TGFBRAP1: variants seen among roughly 807,000 people sequenced by gnomAD.
TGFBRAP1 encodes the protein transforming growth factor-beta receptor-associated protein 1.
Under a neutral mutation model 83.2 loss-of-function variants are expected in TGFBRAP1, and 20 were observed. That is an observed-to-expected ratio of 0.24 (90% CI 0.17 to 0.35). The LOEUF (loss-of-function observed/expected upper bound fraction) is 0.35. Ranked by LOEUF, TGFBRAP1 falls within the 10% of genes least tolerant of loss-of-function variation. The pLI is 1.00. For missense variants in TGFBRAP1, 950 were observed against 1,099.4 expected (o/e 0.86, Z 1.92); for synonymous variants, 415 against 459.8 (o/e 0.90, Z 1.25).
At chr2:105,278,848 C>T (rs1220361733) in intron 6 of TGFBRAP1, among the ~76,000 whole-genome samples, 2 of 152,002 alleles carry the variant, frequency 1.3e-5, no homozygotes, top group Non-Finnish European at 2.9e-5. Flanking sequence ...TTGTCACTAC[C>T]ATAAGGTGGC....
chr2:105,313,046 A>C (rs773346203), intron 1 of TGFBRAP1, among the ~76,000 whole-genome samples: 2 of 152,160 alleles, frequency 1.3e-5, no homozygotes, highest in Admixed American at 1.3e-4. Context: ...CGGGAAGCGG[A>C]GGTTGCAGTG....
chr2:105,316,462 T>TGTGTGCGC lies in TGFBRAP1; in HGVS notation c.-17-8145_-17-8144insGCGCACAC, dbSNP rs1177329674. On this transcript the variant is annotated intron_variant, in intron 1 of 11. Transcript: ENST00000393359. Reference sequence around the variant, plus strand: ...GTGTGTGTGTGTGTGTGTGTGTGTGTGCGCGCGCGCGCGCGCGCACGCGCA... The same window carrying TGTGTGCGC: ...GTGTGTGTGTGTGTGTGTGTGTGTGTGTGTGCGCGCGCGCGCGCGCGCGCGCACGCGCA... Among the ~76,000 whole-genome samples the TGTGTGCGC allele has an allele frequency of 1.6e-3, 135 of 84,792 alleles. 1 individual carries two copies. Among genetic ancestry groups the TGTGTGCGC allele is most frequent in the African/African-American group, 4.3e-3 (79 of 18,482 alleles). The allele number at this position is 84,792 out of a possible 152,430, so 55.6% of individuals were successfully genotyped here.
intron 1 of TGFBRAP1, among the ~76,000 whole-genome samples, chr2:105,321,562 C>T (rs1418752793): frequency 6.6e-6 from 1 of 152,076 alleles, no homozygotes; most frequent in Non-Finnish European, 1.5e-5. Context: ...TCTCAATTAA[C>T]CTGGATAAAC....
At chr2:105,273,434 A>G (rs1005865987) in intron 9 of TGFBRAP1, 110 bp downstream of exon 9, 5 of 1,451,664 alleles carry the variant, frequency 3.4e-6, no homozygotes, top group Non-Finnish European at 4.6e-6. Flanking sequence ...ACAAGTACGG[A>G]TGGATCACCC....
chr2:105,262,950 C>T (rs1321388780), downstream of TGFBRAP1, among the ~76,000 whole-genome samples: 2 of 152,196 alleles, frequency 1.3e-5, no homozygotes, highest in Admixed American at 6.5e-5. Context: ...TGTACAATTT[C>T]GTTTCAAACG....
intron 1 of TGFBRAP1, among the ~76,000 whole-genome samples, chr2:105,328,885 C>A (rs982970568): frequency 6.6e-6 from 1 of 152,162 alleles, no homozygotes; most frequent in African/African-American, 2.4e-5. Context: ...TGCAGACAAC[C>A]GGACAGCTTC....
intron 1 of TGFBRAP1, among the ~76,000 whole-genome samples, chr2:105,317,756 A>T (rs1678929867): frequency 1.3e-5 from 2 of 152,194 alleles, no homozygotes; most frequent in Admixed American, 1.3e-4. Context: ...ATCTGACTAG[A>T]AACATCTGGA....
intron 6 of TGFBRAP1, 71 bp from the exon 7 acceptor site, chr2:105,277,742 AC>A: frequency 7.2e-7 from 1 of 1,381,480 alleles, no homozygotes; most frequent in South Asian, 1.2e-5. Context: ...ACACAGTGAC[AC>A]CCCCAGTCCA....
At chr2:105,308,395 G>T in intron 1 of TGFBRAP1, 77 bp from the exon 2 acceptor site, 1 of 1,323,112 alleles carries the variant, frequency 7.6e-7, no homozygotes, top group Non-Finnish European at 1.0e-6. Flanking sequence ...ATGATACGTG[G>T]ATTCCCTAGT....
rs1448759457 is a variant in TGFBRAP1, at chr2:105,266,985, TC to T, written c.*397del. ...TCGCCAGCCATGGTGAAGCCACGTT[TC>T]CAGTGCAAACATGAGTCTAAAGGTT... is the stretch of plus-strand genomic sequence containing the variant. On this transcript the variant is annotated 3_prime_UTR_variant, in exon 12 of 12. Coordinates refer to ENST00000393359, the MANE Select transcript of TGFBRAP1 (RefSeq NM_004257.6). 3 of 168,910 alleles carry T rather than the reference TC, an allele frequency of 1.8e-5. No individual in the cohort carries two copies. Among genetic ancestry groups the T allele is most frequent in the Admixed American group, 1.2e-4 (2 of 17,138 alleles). The allele number at this position is 168,910 out of a possible 1,614,324, so 10.5% of individuals were successfully genotyped here.
At chr2:105,280,754 A>G (rs1288376560) in intron 5 of TGFBRAP1, 31 bp from the exon 6 acceptor site, 1 of 1,584,514 alleles carries the variant, frequency 6.3e-7, no homozygotes, top group South Asian at 1.2e-5. Flanking sequence ...TAAATGAAGC[A>G]AAAAGAGAGA....
intron 5 of TGFBRAP1, 118 bp downstream of exon 5, chr2:105,284,198 C>G (rs1677637236): frequency 8.6e-6 from 8 of 930,548 alleles, no homozygotes; most frequent in Non-Finnish European, 1.4e-5. Flanking sequence ...CCACCGTATC[C>G]ACCTGAAGCA....
chr2:105,328,761 G>A (rs1301259772), intron 1 of TGFBRAP1, among the ~76,000 whole-genome samples: 1 of 152,240 alleles, frequency 6.6e-6, no homozygotes, highest in Admixed American at 6.5e-5. Flanking sequence ...AGCTGCGCGT[G>A]CAGTCCACGT....
intron 5 of TGFBRAP1, among the ~76,000 whole-genome samples, chr2:105,283,487 T>C (rs17688608): frequency 0.044 from 6,694 of 152,338 alleles, 174 homozygotes; most frequent in African/African-American, 0.062. Flanking sequence ...ATGTTATTTC[T>C]TAGATAGCTG....
chr2:105,288,678 CT>C (rs144183830), intron 4 of TGFBRAP1, among the ~76,000 whole-genome samples: 1 of 152,142 alleles, frequency 6.6e-6, no homozygotes, highest in Non-Finnish European at 1.5e-5. Context: ...ATACCAACCC[CT>C]TTTTTTAACT....
At chr2:105,328,472 C>T (rs1411033094) in intron 1 of TGFBRAP1, among the ~76,000 whole-genome samples, 1 of 152,178 alleles carries the variant, frequency 6.6e-6, no homozygotes, top group African/African-American at 2.4e-5. Context: ...CATGGAACTG[C>T]GAGCTCTCAG....
rs771201444 is a variant in TGFBRAP1, at chr2:105,307,781, G to A, written c.521C>T (p.Ala174Val). 3 of 1,614,080 alleles carry A rather than the reference G, an allele frequency of 1.9e-6. 1 individual carries two copies. The highest frequency in any genetic ancestry group is 3.3e-4 in the Middle Eastern group (2 of 6,084). ...CAGACACAGGAAGTGGCCGTCCACA[G>A]CCACAGCGAGGGGCTGCTCGGCAGT... ...VSTAEQPLAV[A>V]VDGHFLCLAL... Residue 174 changes from alanine (A) to valine (V), a missense_variant, in exon 2 of 12, where the codon GCT (alanine) becomes GTT (valine). By Grantham distance (64) the Ala-to-Val change is moderately conservative (BLOSUM62 0). Transcript: ENST00000393359.
chr2:105,295,367 A>T (rs1365064209), intron 4 of TGFBRAP1, among the ~76,000 whole-genome samples: 1 of 152,196 alleles, frequency 6.6e-6, no homozygotes, highest in Non-Finnish European at 1.5e-5. Flanking sequence ...GCACACATAC[A>T]TAGCAATATT....
chr2:105,316,355 T>A (rs1678854078), intron 1 of TGFBRAP1, among the ~76,000 whole-genome samples: 2 of 145,854 alleles, frequency 1.4e-5, no homozygotes, highest in African/African-American at 5.1e-5. Context: ...AAAAAAAAAA[T>A]TCCCCTACCT....
Sources: gnomAD v4.1 joint callset for allele counts (sites outside exome capture counted in the v4.1 genomes callset) on GRCh38, gnomAD v4.1.1 for gene constraint, MANE v1.5 for transcripts, NCBI Gene and HGNC (gene_info 2026-07-23, HGNC 2026-07-21) for gene names.